The following SGCD variants were observed in gnomAD, a reference collection of about 807,000 sequenced individuals.
The protein encoded by SGCD is delta-sarcoglycan.
Under a neutral mutation model 36.6 loss-of-function variants are expected in SGCD, and 18 were observed. The observed-to-expected ratio is 0.49, with a 90% CI of 0.34 to 0.73. The LOEUF (loss-of-function observed/expected upper bound fraction) is 0.73, where lower values mean the gene tolerates loss of function less well. Among genes scored for constraint, SGCD ranks in the 30% least tolerant of loss-of-function variants. SGCD has a pLI of 0.01. For missense variants in SGCD, 387 were observed against 346.7 expected, an observed-to-expected ratio of 1.12 and a Z score of -0.92; for synonymous variants, 133 against 130.6, an observed-to-expected ratio of 1.02 and a Z score of -0.12.
At chr5:156,685,279 C>T (rs1238109413) in intron 7 of SGCD, among the ~76,000 whole-genome samples, 1 of 151,942 alleles carries the variant, frequency 6.6e-6, no homozygotes, top group Non-Finnish European at 1.5e-5. Flanking sequence ...CAGGCTTAGG[C>T]TTGTGTTAAG....
chr5:156,209,655 C>T (rs1298166571), intron 3 of SGCD, among the ~76,000 whole-genome samples: 1 of 152,208 alleles, frequency 6.6e-6, no homozygotes, highest in Admixed American at 6.5e-5. Flanking sequence ...TGCAGGTTGG[C>T]CCCCACAATC....
chr5:156,448,731 CTTTTTTTTTT>C (rs1158844774), intron 3 of SGCD, among the ~76,000 whole-genome samples: 25 of 76,052 alleles, frequency 3.3e-4, no homozygotes, highest in South Asian at 2.3e-3. Flanking sequence ...TTTTCTTTTT[CTTTTTTTTTT>C]TTTTTTTTTT....
intron 3 of SGCD, among the ~76,000 whole-genome samples, chr5:156,310,632 T>C (rs562523613): frequency 6.6e-6 from 1 of 152,206 alleles, no homozygotes. Flanking sequence ...AATTATTGTC[T>C]AGTTGAGGAG....
chr5:155,881,323 T>TAAATAAAG (rs942789932), intron 1 of SGCD, among the ~76,000 whole-genome samples: 19 of 151,398 alleles, frequency 1.3e-4, no homozygotes, highest in African/African-American at 2.9e-4. Flanking sequence ...AATAAATAAA[T>TAAATAAAG]AAAGAATATA....
At chr5:155,749,542 T>G in the SGCD span, among the ~76,000 whole-genome samples, 34 of 152,338 alleles carry the variant, frequency 2.2e-4, no homozygotes, top group African/African-American at 7.9e-4. Flanking sequence ...TTCAGTGTAT[T>G]AAACTTGTAA....
intron 7 of SGCD, among the ~76,000 whole-genome samples, chr5:156,744,435 A>G (rs1581517830): frequency 6.6e-6 from 1 of 152,142 alleles, no homozygotes; most frequent in African/African-American, 2.4e-5. Flanking sequence ...AGCTTCTCCA[A>G]CTCCTGGGCT....
intron 3 of SGCD, among the ~76,000 whole-genome samples, chr5:156,266,833 C>T (rs1554088598): frequency 6.7e-6 from 1 of 148,198 alleles, no homozygotes; most frequent in Admixed American, 6.8e-5. Context: ...ATTAAGATGA[C>T]AGAGAAAAAA....
rs1554085585 is a variant in SGCD at position 156,229,275 on chromosome 5, T to TATATATATATATATATATATATAC, written c.-43-100258_-43-100257insTATATATATATATATATATATACA. On this transcript the variant is annotated intron_variant, in intron 3 of 9. Transcript: ENST00000517913. ...ATACATACATACATATATATATACA[T>TATATATATATATATATATATATAC]ACATATATATATATATATATATATA... 2.5e-4 allele frequency among the ~76,000 whole-genome samples: 14 copies of TATATATATATATATATATATATAC among 55,104 alleles called. 1 individual carries two copies. In the East Asian group the frequency reaches 0.015, roughly 57 times the overall value. The allele number at this position is 55,104 out of a possible 152,430, so 36.2% of individuals were successfully genotyped here. A position where few individuals can be genotyped will look rare whatever the true frequency, so the allele number is the denominator to read the frequency against.
intron 3 of SGCD, among the ~76,000 whole-genome samples, chr5:156,487,960 TTATATATATA>T (rs55795142): frequency 1.5e-5 from 2 of 136,708 alleles, no homozygotes; most frequent in South Asian, 4.7e-4. Flanking sequence ...GTAACATATA[TTATATATATA>T]TATATATATA....
chr5:156,388,095 T>C (rs1275537232), intron 3 of SGCD, among the ~76,000 whole-genome samples: 2 of 152,190 alleles, frequency 1.3e-5, no homozygotes, highest in African/African-American at 4.8e-5. Context: ...GGATTTCACA[T>C]TCTGAGGTTA....
At chr5:156,316,873 G>A (rs971879947) in intron 3 of SGCD, among the ~76,000 whole-genome samples, 1 of 152,044 alleles carries the variant, frequency 6.6e-6, no homozygotes, top group Non-Finnish European at 1.5e-5. Context: ...GTCCAACCCA[G>A]ATGATTGATA....
the SGCD span, among the ~76,000 whole-genome samples, chr5:155,728,941 C>T: frequency 2.6e-5 from 4 of 152,230 alleles, no homozygotes; most frequent in African/African-American, 7.2e-5. Flanking sequence ...GCGGACTCCG[C>T]GCGCACCAGT....
At chr5:155,738,845 G>A in the SGCD span, among the ~76,000 whole-genome samples, 1 of 149,042 alleles carries the variant, frequency 6.7e-6, no homozygotes, top group African/African-American at 2.5e-5. Flanking sequence ...CTGTGAGAGA[G>A]TATGTATATG....
At chr5:156,618,297 T>A (rs1335278691) in intron 6 of SGCD, among the ~76,000 whole-genome samples, 3 of 152,216 alleles carry the variant, frequency 2.0e-5, no homozygotes, top group Non-Finnish European at 4.4e-5. Flanking sequence ...GATAATCTGC[T>A]GGGTATTCAA....
intron 1 of SGCD, among the ~76,000 whole-genome samples, chr5:156,329,116 C>G (rs548071350): frequency 1.3e-5 from 2 of 152,134 alleles, no homozygotes; most frequent in Non-Finnish European, 2.9e-5. Flanking sequence ...AGAAGTCAAG[C>G]TCTCTTGACA....
chr5:156,155,267 G>T (rs1441556750), intron 3 of SGCD, among the ~76,000 whole-genome samples: 4 of 151,324 alleles, frequency 2.6e-5, no homozygotes, highest in Non-Finnish European at 4.4e-5. Context: ...TAGACTTTTT[G>T]CCAGAGATAC....
intron 4 of SGCD, among the ~76,000 whole-genome samples, chr5:156,515,094 G>A (rs1035436203): frequency 7.2e-5 from 11 of 152,036 alleles, no homozygotes; most frequent in Middle Eastern, 6.8e-3. Context: ...AAGAAAACCC[G>A]TTTTATATTC....
chr5:156,511,875 A>G (rs140931667), intron 4 of SGCD, among the ~76,000 whole-genome samples: 26 of 152,282 alleles, frequency 1.7e-4, no homozygotes, highest in African/African-American at 4.6e-4. Context: ...TCTTAAGTCT[A>G]TTCTGCAGAG....
At chr5:156,614,120 TA>T (rs1761937860) in intron 6 of SGCD, among the ~76,000 whole-genome samples, 2 of 152,168 alleles carry the variant, frequency 1.3e-5, no homozygotes, top group South Asian at 4.1e-4. Context: ...CTAATATTTG[TA>T]TTTTTAGTAG....
Sources: allele counts gnomAD v4.1 joint callset (sites outside exome capture counted in the v4.1 genomes callset), GRCh38; gene constraint gnomAD v4.1.1; transcripts MANE v1.5; gene names NCBI Gene and HGNC (gene_info 2026-07-23, HGNC 2026-07-21).